The following MYO3B variants were observed in gnomAD, a reference collection of about 807,000 sequenced individuals.
The protein encoded by MYO3B is myosin IIIB, also known as myosin-IIIb.
A neutral mutation model predicts 174.6 loss-of-function variants in MYO3B; 156 were observed. The ratio of observed to expected loss-of-function variants is 0.89; its 90% confidence interval spans 0.78 to 1.02. MYO3B has a LOEUF of 1.02. MYO3B is among the 50% of genes least tolerant of loss of function. MYO3B has a pLI of 0.00. For missense variants in MYO3B, 1,632 were observed against 1,639.4 expected (o/e 1.00, Z 0.08); for synonymous variants, 563 against 569.1 (o/e 0.99, Z 0.15).
chr2:170,212,747 CTGCATAAGG>C (rs1207892468), intron 3 of MYO3B, among the ~76,000 whole-genome samples: 1 of 152,214 alleles, frequency 6.6e-6, no homozygotes, highest in Non-Finnish European at 1.5e-5. Context: ...GGCTACTTCC[CTGCATAAGG>C]CGTGAATTCC....
rs751696218 is a variant in MYO3B at position 170,519,493 on chromosome 2, C to CTTGA, written c.3528_3529insTTGA (p.Arg1177LeufsTer44). 1.0e-4 allele frequency: 168 copies of CTTGA among 1,613,844 alleles called. No homozygotes were observed. Among genetic ancestry groups the CTTGA allele is most frequent in the Non-Finnish European group, 1.3e-4 (158 of 1,179,980 alleles). On this transcript the variant is annotated frameshift_variant, in exon 30 of 35. Transcript: ENST00000408978. LOFTEE classifies it high-confidence loss of function. ...ATTCACAAGCAGAATCCAACAATGGCCGTACACAGACTTCAAGCAACTCTC... is the reference window on the plus strand; with the variant it reads ...ATTCACAAGCAGAATCCAACAATGGCTTGACGTACACAGACTTCAAGCAACTCTC...
chr2:170,229,256 GC>G (rs1357430839), intron 6 of MYO3B, among the ~76,000 whole-genome samples: 8 of 152,292 alleles, frequency 5.3e-5, no homozygotes, highest in Admixed American at 1.3e-4. Context: ...CTACCTCTCA[GC>G]CCATCTTATT....
chr2:170,383,193 A>G lies in MYO3B; in HGVS notation c.1185+4A>G, dbSNP rs865972195. On this transcript the variant is annotated splice_donor_region_variant and intron_variant, in intron 11 of 34. Transcript: ENST00000408978. ...TCTAAGCATATACTCTCCACAGGTA[A>G]GGGATGTTTTAAGAGCATACTGCTC... 1.9e-6 allele frequency: 3 copies of G among 1,554,188 alleles called. No individual in the cohort carries two copies. In the Middle Eastern group the frequency reaches 5.1e-4, roughly 262 times the overall value.
intron 8 of MYO3B, chr2:170,350,592 A>G (rs1300249911): frequency 6.6e-6 from 1 of 152,206 alleles, no homozygotes; most frequent in Non-Finnish European, 1.5e-5. Flanking sequence ...ATGATGGGTA[A>G]AAATCGAGAT....
intron 23 of MYO3B, among the ~76,000 whole-genome samples, chr2:170,452,313 A>G (rs1683642824): frequency 6.6e-6 from 1 of 152,132 alleles, no homozygotes. Flanking sequence ...TTTTTCCAGA[A>G]TGGGGTCTGT....
intron 7 of MYO3B, among the ~76,000 whole-genome samples, chr2:170,331,105 G>A (rs778213471): frequency 4.6e-5 from 7 of 152,236 alleles, no homozygotes; most frequent in East Asian, 1.9e-4. Context: ...AAGGCCCTGA[G>A]GCATGAAAGA....
At chr2:170,515,062 A>C (rs182599580) in intron 29 of MYO3B, 40 bp downstream of exon 29, 2 of 1,558,278 alleles carry the variant, frequency 1.3e-6, no homozygotes, top group African/African-American at 2.7e-5. Flanking sequence ...TTCTAAATTC[A>C]GGGGCATTCC....
At chr2:170,576,429 G>C (rs145996731) in intron 32 of MYO3B, among the ~76,000 whole-genome samples, 2 of 152,186 alleles carry the variant, frequency 1.3e-5, no homozygotes, top group Non-Finnish European at 2.9e-5. Context: ...TGTGGTGACC[G>C]TGGTAGGAAC....
At chr2:170,250,797 G>GGAGTGGGAAGAT (rs2093243847) in intron 7 of MYO3B, among the ~76,000 whole-genome samples, 1 of 152,068 alleles carries the variant, frequency 6.6e-6, no homozygotes, top group East Asian at 1.9e-4. Flanking sequence ...GACAGGGGAT[G>GGAGTGGGAAGAT]GAGTGGGAAG....
In MYO3B at chr2:170,654,084, A is replaced by T. The variant is rs1296569763; in HGVS notation, c.*963A>T. Reference sequence around the variant, plus strand: ...CATATCTGACAGGAATGTTACCTTCAATTGTATGTTACATATGATTAGTCA... The same window carrying T: ...CATATCTGACAGGAATGTTACCTTCTATTGTATGTTACATATGATTAGTCA... On this transcript the variant is annotated 3_prime_UTR_variant, in exon 35 of 35. Transcript: ENST00000408978. 6.6e-6 allele frequency: 1 copy of T among 152,194 alleles called. No homozygotes were observed. The highest frequency in any genetic ancestry group is 1.9e-4 in the East Asian group (1 of 5,198). 9.4% of individuals were successfully genotyped at this position (152,194 alleles called of 1,614,324 possible).
In MYO3B at chr2:170,511,714, G is replaced by A. The variant is rs549843743; in HGVS notation, c.3371-3207G>A. ...ATTTTCTCAACATCCTGTCTGTGCAGAACAGTCTGCTAGATTCTTTTGGGG... is the reference window on the plus strand; with the variant it reads ...ATTTTCTCAACATCCTGTCTGTGCAAAACAGTCTGCTAGATTCTTTTGGGG... On this transcript the variant is annotated intron_variant, in intron 28 of 34. Coordinates refer to ENST00000408978, the MANE Select transcript of MYO3B (RefSeq NM_138995.5). Among the ~76,000 whole-genome samples, 4 of 152,260 alleles carry A rather than the reference G, an allele frequency of 2.6e-5. No homozygotes were observed. The South Asian group carries it at 8.3e-4, about 32-fold the overall frequency.
At chr2:170,317,903 G>A (rs2093787071) in intron 7 of MYO3B, among the ~76,000 whole-genome samples, 1 of 152,138 alleles carries the variant, frequency 6.6e-6, no homozygotes, top group African/African-American at 2.4e-5. Context: ...TTTGGTCACA[G>A]GATTTCTCAT....
intron 23 of MYO3B, among the ~76,000 whole-genome samples, chr2:170,462,899 T>C (rs939215719): frequency 1.4e-5 from 2 of 140,808 alleles, no homozygotes; most frequent in Non-Finnish European, 2.9e-5. Context: ...CTGTGGGTGG[T>C]AGGAGGAGTC....
At chr2:170,178,316 C>T in intron 1 of MYO3B, 27 bp downstream of exon 1, 1 of 1,614,044 alleles carries the variant, frequency 6.2e-7, no homozygotes, top group Non-Finnish European at 8.5e-7. Context: ...TTCCTTCCAG[C>T]TTTCTTCTGT....
chr2:170,208,387 T>C (rs7564391), intron 3 of MYO3B, among the ~76,000 whole-genome samples: 57,857 of 152,082 alleles, frequency 0.38, 10,977 homozygotes, highest in East Asian at 0.46. Flanking sequence ...TGCTAAGATG[T>C]AGGTGCATGG....
intron 3 of MYO3B, among the ~76,000 whole-genome samples, chr2:170,201,457 T>C (rs1325858356): frequency 2.0e-5 from 3 of 152,268 alleles, no homozygotes; most frequent in South Asian, 2.1e-4. Flanking sequence ...TGTCCACATG[T>C]TTCTGGCTCT....
intron 7 of MYO3B, among the ~76,000 whole-genome samples, chr2:170,247,639 C>T (rs544399834): frequency 6.6e-6 from 1 of 152,248 alleles, no homozygotes; most frequent in African/African-American, 2.4e-5. Flanking sequence ...CTGGGAAGTC[C>T]AAGATCAAGA....
At chr2:170,210,203 C>A (rs915787952) in intron 3 of MYO3B, among the ~76,000 whole-genome samples, 1 of 152,100 alleles carries the variant, frequency 6.6e-6, no homozygotes, top group Non-Finnish European at 1.5e-5. Context: ...GCTCAATTTA[C>A]AAAAAAACTA....
intron 32 of MYO3B, among the ~76,000 whole-genome samples, chr2:170,577,756 C>T (rs1322989857): frequency 1.3e-5 from 2 of 152,168 alleles, no homozygotes; most frequent in African/African-American, 4.8e-5. Flanking sequence ...AGCAGAGAAG[C>T]ATTTCATTAG....
Sources: allele counts gnomAD v4.1 joint callset (sites outside exome capture counted in the v4.1 genomes callset), GRCh38; gene constraint gnomAD v4.1.1; transcripts MANE v1.5; gene names NCBI Gene and HGNC (gene_info 2026-07-23, HGNC 2026-07-21).